NSDHL: variants seen among roughly 807,000 people sequenced by gnomAD.
NSDHL encodes NAD(P) dependent 3-beta-hydroxysteroid dehydrogenase NSDHL.
Under a neutral mutation model 23.0 loss-of-function variants are expected in NSDHL, and 1 was observed. That is an observed-to-expected ratio of 0.04 (90% CI 0.02 to 0.21). NSDHL has a LOEUF of 0.21. Ranked by LOEUF, NSDHL falls within the 10% of genes least tolerant of loss-of-function variation. NSDHL has a pLI of 1.00. For missense variants in NSDHL, 237 were observed against 300.9 expected (o/e 0.79, Z 1.57); for synonymous variants, 128 against 121.1 (o/e 1.06, Z -0.37).
intron 7 of NSDHL, among the ~76,000 whole-genome samples, chrX:152,868,133 AT>A (rs368924756): frequency 8.5e-4 from 80 of 93,918 alleles, no homozygotes; most frequent in African/African-American, 2.8e-3. Context: ...TGGGTGTGGC[AT>A]TTTTTTTTTC....
At chrX:152,836,532 T>C (rs996751822) in intron 1 of NSDHL, among the ~76,000 whole-genome samples, 15 of 112,074 alleles carry the variant, frequency 1.3e-4, no homozygotes, top group Non-Finnish European at 3.8e-5. Context: ...GCTAGCCAGT[T>C]TTCCCAGCAC....
At chrX:152,858,451 G>T (rs4828729) in intron 3 of NSDHL, among the ~76,000 whole-genome samples, 1 of 110,173 alleles carries the variant, frequency 9.1e-6, no homozygotes, top group African/African-American at 3.3e-5. Flanking sequence ...TCACCTTCCT[G>T]GGGAGTTTTA....
chrX:152,843,123 C>T (rs2125005418), intron 1 of NSDHL, among the ~76,000 whole-genome samples: 1 of 111,932 alleles, frequency 8.9e-6, no homozygotes, highest in East Asian at 2.8e-4. Flanking sequence ...GGCTGGTTTG[C>T]AAAGAATTGT....
intron 1 of NSDHL, 145 bp downstream of exon 1, chrX:152,831,262 G>T (rs1933010085): frequency 3.4e-6 from 1 of 292,886 alleles, no homozygotes; most frequent in African/African-American, 2.8e-5. Context: ...CATCAGAGCA[G>T]CCAGAAACGA....
chrX:152,864,364 G>A (rs1318518912), intron 5 of NSDHL, among the ~76,000 whole-genome samples: 4 of 112,202 alleles, frequency 3.6e-5, no homozygotes, highest in Admixed American at 9.3e-5. Context: ...TCATGTGCTC[G>A]AACTTGGCCC....
intron 3 of NSDHL, among the ~76,000 whole-genome samples, chrX:152,852,551 A>T (rs1933374520): frequency 9.0e-6 from 1 of 110,961 alleles, no homozygotes; most frequent in Non-Finnish European, 1.9e-5. Flanking sequence ...GTCACCGGGG[A>T]CTAGAGCCTG....
chrX:152,846,189 T>C, intron 1 of NSDHL, 93 bp from the exon 2 acceptor site: 1 of 539,847 alleles, frequency 1.9e-6, no homozygotes, highest in Non-Finnish European at 3.4e-6. Flanking sequence ...TGTAAAAACA[T>C]GAACGGGGGG....
At chrX:152,849,137 G>A (rs1357997080) in intron 2 of NSDHL, among the ~76,000 whole-genome samples, 1 of 112,022 alleles carries the variant, frequency 8.9e-6, no homozygotes, top group East Asian at 2.8e-4. Context: ...GGAGGGAGGT[G>A]GATCTAGAGA....
intron 3 of NSDHL, among the ~76,000 whole-genome samples, chrX:152,851,650 C>T (rs782674894): frequency 5.4e-5 from 6 of 110,799 alleles, no homozygotes; most frequent in African/African-American, 2.0e-4. Context: ...TGCCTCCGAA[C>T]CGTTCTCCCT....
At chrX:152,850,981 T>C (rs782111072) in intron 3 of NSDHL, among the ~76,000 whole-genome samples, 9 of 112,210 alleles carry the variant, frequency 8.0e-5, no homozygotes, top group Non-Finnish European at 1.5e-4. Flanking sequence ...CATCTATGGA[T>C]TGGCCTCTTC....
chrX:152,846,513 TAATC>T (rs782239541), intron 2 of NSDHL, 81 bp downstream of exon 2: 16 of 639,449 alleles, frequency 2.5e-5, no homozygotes, highest in Non-Finnish European at 4.2e-5. Flanking sequence ...GTACATGTAT[TAATC>T]AATGTTGGGT....
chrX:152,831,498 T>C lies in NSDHL; in HGVS notation c.-44+381T>C, dbSNP rs189119706. 1.7e-4 allele frequency: 23 copies of C among 139,226 alleles called. No individual in the cohort carries two copies. The East Asian group carries it at 3.3e-3, about 20-fold the overall frequency. 11.5% of individuals were successfully genotyped at this position (139,226 alleles called of 1,213,427 possible). A position where few individuals can be genotyped will look rare whatever the true frequency, so the allele number is the denominator to read the frequency against. On this transcript the variant is annotated intron_variant, in intron 1 of 7. Transcript: ENST00000370274. ...AGAGAGGATCACTTTAGATCTTACC[T>C]GGCTAAAAGCAGCCCAGGACGGTGA...
intron 5 of NSDHL, among the ~76,000 whole-genome samples, chrX:152,865,200 T>C (rs1344880232): frequency 8.9e-6 from 1 of 112,367 alleles, no homozygotes; most frequent in Non-Finnish European, 1.9e-5. Context: ...GAGCACTGGC[T>C]CTGGACCAGG....
At chrX:152,862,224 G>A (rs1556847582) in intron 4 of NSDHL, among the ~76,000 whole-genome samples, 1 of 112,405 alleles carries the variant, frequency 8.9e-6, no homozygotes, top group African/African-American at 3.2e-5. Flanking sequence ...CTAGAAGTTT[G>A]CGGGCTGCCC....
intron 1 of NSDHL, among the ~76,000 whole-genome samples, chrX:152,845,837 G>A (rs1389978035): frequency 8.9e-6 from 1 of 112,067 alleles, no homozygotes; most frequent in African/African-American, 3.2e-5. Flanking sequence ...TGCAGCAAAG[G>A]GAAGTGACTG....
intron 5 of NSDHL, 35 bp downstream of exon 5, chrX:152,862,759 G>A (rs782795661): frequency 1.7e-6 from 2 of 1,171,889 alleles, no homozygotes; most frequent in Admixed American, 2.2e-5. Context: ...TGAGCAGACT[G>A]AAGGGTTTAG....
At chrX:152,832,104 C>G (rs1204343564) in intron 1 of NSDHL, among the ~76,000 whole-genome samples, 1 of 111,174 alleles carries the variant, frequency 9.0e-6, no homozygotes, top group African/African-American at 3.3e-5. Context: ...CACTCCAGCC[C>G]CAGAACACTG....
At chrX:152,846,022 T>C (rs1181055727) in intron 1 of NSDHL, among the ~76,000 whole-genome samples, 1 of 112,851 alleles carries the variant, frequency 8.9e-6, no homozygotes, top group Non-Finnish European at 1.9e-5. Context: ...AGTGAGCTGA[T>C]TTAACTGGCC....
At chrX:152,831,418 C>T (rs1459599212) in intron 1 of NSDHL, among the ~76,000 whole-genome samples, 2 of 110,426 alleles carry the variant, frequency 1.8e-5, no homozygotes, top group African/African-American at 6.6e-5. Context: ...TGAGGGTGGC[C>T]CTTCGAGAGC....
Sources: allele counts gnomAD v4.1 joint callset (sites outside exome capture counted in the v4.1 genomes callset), GRCh38; gene constraint gnomAD v4.1.1; transcripts MANE v1.5; gene names NCBI Gene and HGNC (gene_info 2026-07-23, HGNC 2026-07-21).